NFATC3: variants seen among roughly 807,000 people sequenced by gnomAD.
NFATC3 encodes the protein nuclear factor of activated T-cells, cytoplasmic 3.
NFATC3 carries 46 observed loss-of-function variants against 98.6 expected under a neutral mutation model. That is an observed-to-expected ratio of 0.47 (90% CI 0.37 to 0.60). The LOEUF (loss-of-function observed/expected upper bound fraction) is 0.60, where lower values mean the gene tolerates loss of function less well. Among genes scored for constraint, NFATC3 ranks in the 20% least tolerant of loss-of-function variants. NFATC3 has a pLI of 0.00. For missense variants in NFATC3, 1,256 were observed against 1,295.5 expected (o/e 0.97, Z 0.47); for synonymous variants, 512 against 472.2 (o/e 1.08, Z -1.09).
rs547564860 is a variant in NFATC3 at position 68,123,497 on chromosome 16, C to CA, written c.1238+395dup. Among the ~76,000 whole-genome samples the CA allele has an allele frequency of 8.1e-3, 595 of 73,820 alleles. 7 individuals are homozygous for CA. Among genetic ancestry groups the CA allele is most frequent in the South Asian group, 0.011 (26 of 2,294 alleles). 48.4% of individuals were successfully genotyped at this position (73,820 alleles called of 152,430 possible). The stretch of plus-strand genomic sequence containing the variant: ...GCAACATAGCAAGATCCTGTCTCTA[C>CA]AAAAAAAAAAAAAAAAAAATTAACC... On this transcript the variant is annotated intron_variant, in intron 2 of 9. Transcript: ENST00000346183.
chr16:68,162,619 G>T (rs2038947248), intron 4 of NFATC3, among the ~76,000 whole-genome samples: 3 of 147,038 alleles, frequency 2.0e-5, no homozygotes, highest in African/African-American at 2.6e-5. Flanking sequence ...CATCTCAATT[G>T]GCTTTATTGG....
chr16:68,160,904 C>T (rs947624692), intron 4 of NFATC3, among the ~76,000 whole-genome samples: 3 of 152,048 alleles, frequency 2.0e-5, no homozygotes, highest in African/African-American at 4.8e-5. Flanking sequence ...AGGCTGGTCT[C>T]GACCTCCTGG....
At chr16:68,102,372 A>AG (rs1177357176) in intron 1 of NFATC3, among the ~76,000 whole-genome samples, 25 of 103,986 alleles carry the variant, frequency 2.4e-4, no homozygotes, top group African/African-American at 7.2e-4. Flanking sequence ...ACTCCATCTC[A>AG]GGAAAAAAAA....
intron 9 of NFATC3, chr16:68,192,259 G>C (rs1431385236): frequency 2.4e-5 from 2 of 82,062 alleles, no homozygotes; most frequent in Non-Finnish European, 5.2e-5. Context: ...ATATATGTAT[G>C]TGTATATATA....
intron 8 of NFATC3, among the ~76,000 whole-genome samples, chr16:68,185,292 C>G (rs1390235421): frequency 1.3e-5 from 2 of 151,998 alleles, no homozygotes; most frequent in African/African-American, 2.4e-5. Flanking sequence ...GTTTAATTTT[C>G]TTTTTCCTCC....
chr16:68,086,230 C>T (rs768170980), intron 1 of NFATC3, among the ~76,000 whole-genome samples: 1 of 152,118 alleles, frequency 6.6e-6, no homozygotes, highest in Non-Finnish European at 1.5e-5. Context: ...AAATCAGGCA[C>T]GTGTTTTTTT....
intron 6 of NFATC3, 72 bp from the exon 7 acceptor site, chr16:68,181,402 TC>T: frequency 1.0e-6 from 1 of 1,001,994 alleles, no homozygotes; most frequent in South Asian, 1.4e-5. Context: ...TGTGATACTA[TC>T]CATGCATTAG....
At chr16:68,208,235 C>T (rs977895284) in intron 9 of NFATC3, among the ~76,000 whole-genome samples, 21 of 151,922 alleles carry the variant, frequency 1.4e-4, no homozygotes, top group Admixed American at 1.0e-3. Flanking sequence ...TGGGGTTTCT[C>T]CATATTAGTC....
intron 9 of NFATC3, among the ~76,000 whole-genome samples, chr16:68,216,496 T>C (rs777360994): frequency 1.2e-4 from 19 of 152,228 alleles, no homozygotes; most frequent in Non-Finnish European, 2.2e-4. Context: ...AACATTGTTA[T>C]GACGTTGATT....
chr16:68,154,658 T>G (rs1387595964), intron 3 of NFATC3, among the ~76,000 whole-genome samples: 3 of 152,284 alleles, frequency 2.0e-5, no homozygotes, highest in Admixed American at 6.5e-5. Flanking sequence ...TCAAGTCAAG[T>G]AACATGAAGA....
chr16:68,150,412 T>TAAAAAA (rs60606928), intron 3 of NFATC3, among the ~76,000 whole-genome samples: 5 of 81,072 alleles, frequency 6.2e-5, no homozygotes, highest in East Asian at 4.0e-4. Context: ...CTTCTATATC[T>TAAAAAA]AAAAAAAAAA....
At chr16:68,137,154 T>A (rs1413545668) in intron 3 of NFATC3, among the ~76,000 whole-genome samples, 1 of 152,228 alleles carries the variant, frequency 6.6e-6, no homozygotes, top group African/African-American at 2.4e-5. Context: ...AAAAATCTTT[T>A]GTCTTTTGTA....
At chr16:68,196,533 G>A (rs1316898806) in intron 9 of NFATC3, among the ~76,000 whole-genome samples, 1 of 152,098 alleles carries the variant, frequency 6.6e-6, no homozygotes, top group East Asian at 1.9e-4. Context: ...AACTTTTAAT[G>A]TAAATTCAAA....
At chr16:68,178,086 T>C (rs2039797951) in intron 6 of NFATC3, among the ~76,000 whole-genome samples, 1 of 152,154 alleles carries the variant, frequency 6.6e-6, no homozygotes, top group South Asian at 2.1e-4. Context: ...TTTCTACTTA[T>C]TTTTCTTCTC....
chr16:68,135,505 T>G (rs1392787182), intron 3 of NFATC3, among the ~76,000 whole-genome samples: 1 of 150,886 alleles, frequency 6.6e-6, no homozygotes, highest in East Asian at 1.9e-4. Flanking sequence ...GTGTACTTGT[T>G]GCTGAGAAAC....
chr16:68,168,142 T>C (rs2039299266), intron 5 of NFATC3, among the ~76,000 whole-genome samples: 1 of 150,788 alleles, frequency 6.6e-6, no homozygotes, highest in South Asian at 2.1e-4. Flanking sequence ...CAAACACATG[T>C]ATTCTTTTTT....
intron 1 of NFATC3, among the ~76,000 whole-genome samples, chr16:68,108,085 A>G (rs1220867595): frequency 6.6e-6 from 1 of 151,904 alleles, no homozygotes; most frequent in Non-Finnish European, 1.5e-5. Context: ...ATTAGATCCC[A>G]TTTGTCAGTT....
At chr16:68,158,814 T>C (rs966773608) in intron 4 of NFATC3, among the ~76,000 whole-genome samples, 5 of 152,304 alleles carry the variant, frequency 3.3e-5, no homozygotes, top group East Asian at 1.9e-4. Context: ...GGAACTTCCA[T>C]TGGAGTCAAA....
At chr16:68,221,392 G>T in intron 9 of NFATC3, 1 of 1,501,026 alleles carries the variant, frequency 6.7e-7, no homozygotes, top group Non-Finnish European at 8.9e-7. Flanking sequence ...AAAGGTCTGT[G>T]AAAGCACTTT....
Sources: allele counts gnomAD v4.1 joint callset (sites outside exome capture counted in the v4.1 genomes callset), GRCh38; gene constraint gnomAD v4.1.1; transcripts MANE v1.5; gene names NCBI Gene and HGNC (gene_info 2026-07-23, HGNC 2026-07-21).